PHF24: variants seen among roughly 807,000 people sequenced by gnomAD.
The protein encoded by PHF24 is Galpha inhibitory interacting protein.
Under a neutral mutation model 42.6 loss-of-function variants are expected in PHF24, and 25 were observed. The ratio of observed to expected loss-of-function variants is 0.59; its 90% CI spans 0.43 to 0.82. The LOEUF is 0.82. Among genes scored for constraint, PHF24 ranks in the 40% least tolerant of loss-of-function variants. The pLI is 0.00. For synonymous variants in PHF24, 185 were observed against 204.8 expected, an observed-to-expected ratio of 0.90 and a Z score of 0.83; for missense variants, 470 against 538.1, an observed-to-expected ratio of 0.87 and a Z score of 1.25.
the PHF24 span, among the ~76,000 whole-genome samples, chr9:34,804,122 A>G: frequency 0.95 from 144,266 of 152,154 alleles, 68,654 homozygotes; most frequent in Non-Finnish European, 0.99. Flanking sequence ...TAACTATTTG[A>G]ACTCAGCTTC....
At chr9:34,779,154 C>CT in the PHF24 span, among the ~76,000 whole-genome samples, 1 of 151,766 alleles carries the variant, frequency 6.6e-6, no homozygotes, top group Non-Finnish European at 1.5e-5. Context: ...GAAAAAAGAT[C>CT]TCAAATCCAT....
the PHF24 span, among the ~76,000 whole-genome samples, chr9:34,720,837 A>C: frequency 6.6e-6 from 1 of 152,202 alleles, no homozygotes; most frequent in African/African-American, 2.4e-5. Context: ...TATCAGCAGC[A>C]GCTTTGATCA....
At chr9:34,976,809 G>T in intron 5 of PHF24, 69 bp downstream of exon 5, 5 of 1,373,350 alleles carry the variant, frequency 3.6e-6, no homozygotes, top group Non-Finnish European at 5.1e-6. Flanking sequence ...ACGCTGGGCA[G>T]ATTGGGGGAG....
chr9:34,892,647 AG>A, the PHF24 span: 1 of 454,702 alleles, frequency 2.2e-6, no homozygotes, highest in Non-Finnish European at 3.9e-6. Context: ...CTAGTATTCA[AG>A]GGCTGCTGAC....
At chr9:34,847,387 T>C in the PHF24 span, among the ~76,000 whole-genome samples, 1 of 152,218 alleles carries the variant, frequency 6.6e-6, no homozygotes, top group South Asian at 2.1e-4. Flanking sequence ...TCACTCATGA[T>C]TTGGCTCTCT....
the PHF24 span, among the ~76,000 whole-genome samples, chr9:34,880,066 A>G: frequency 6.6e-6 from 1 of 152,222 alleles, no homozygotes; most frequent in South Asian, 2.1e-4. Flanking sequence ...AAAGAAAAGA[A>G]TTTTCAACCC....
chr9:34,965,753 G>T (rs1438837967), intron 1 of PHF24, among the ~76,000 whole-genome samples: 1 of 152,208 alleles, frequency 6.6e-6, no homozygotes, highest in Non-Finnish European at 1.5e-5. Context: ...TAATGAGTAA[G>T]TTCATTTATA....
chr9:34,777,048 A>C, the PHF24 span, among the ~76,000 whole-genome samples: 9 of 152,124 alleles, frequency 5.9e-5, no homozygotes, highest in Admixed American at 5.9e-4. Flanking sequence ...GAGGCAGTGA[A>C]GATTTTCTGG....
the PHF24 span, among the ~76,000 whole-genome samples, chr9:34,814,803 C>T: frequency 2.0e-5 from 3 of 152,186 alleles, no homozygotes; most frequent in East Asian, 3.8e-4. Context: ...TACAGTGGCA[C>T]GATATCGTCT....
chr9:34,864,888 A>G, the PHF24 span, among the ~76,000 whole-genome samples: 2 of 152,212 alleles, frequency 1.3e-5, no homozygotes, highest in East Asian at 1.9e-4. Flanking sequence ...TAAAAAGCAG[A>G]GGGACAGGCC....
At chr9:34,932,238 C>T in the PHF24 span, among the ~76,000 whole-genome samples, 1 of 152,208 alleles carries the variant, frequency 6.6e-6, no homozygotes, top group Non-Finnish European at 1.5e-5. Flanking sequence ...CAACCCCAAG[C>T]CATGCCCAAA....
the PHF24 span, chr9:34,710,069 C>G: frequency 6.2e-7 from 1 of 1,613,284 alleles, no homozygotes; most frequent in Non-Finnish European, 8.5e-7. Flanking sequence ...TGAGCCATGT[C>G]TGTGGTAGAG....
At chr9:34,880,757 G>A in the PHF24 span, among the ~76,000 whole-genome samples, 3 of 152,196 alleles carry the variant, frequency 2.0e-5, no homozygotes, top group South Asian at 2.1e-4. Context: ...CAATAATAAT[G>A]GGAGGCTTTA....
the PHF24 span, chr9:34,680,934 G>T: frequency 8.5e-5 from 13 of 152,146 alleles, no homozygotes; most frequent in African/African-American, 3.1e-4. Flanking sequence ...CTACTACTCA[G>T]CAAGATTCTG....
the PHF24 span, among the ~76,000 whole-genome samples, chr9:34,878,583 A>G: frequency 2.6e-5 from 4 of 152,372 alleles, no homozygotes; most frequent in South Asian, 4.1e-4. Context: ...CACCTGGCTC[A>G]GAGGGTCCCA....
the PHF24 span, among the ~76,000 whole-genome samples, chr9:34,680,710 A>T: frequency 9.8e-6 from 1 of 102,306 alleles, no homozygotes; most frequent in East Asian, 5.4e-4. Flanking sequence ...AAATAAATAA[A>T]AAAAAAAATA....
chr9:34,760,786 G>T, the PHF24 span, among the ~76,000 whole-genome samples: 3 of 152,194 alleles, frequency 2.0e-5, no homozygotes, highest in African/African-American at 4.8e-5. Context: ...CAGCCCAGAA[G>T]GTCAAGACCA....
chr9:34,842,740 G>A, the PHF24 span, among the ~76,000 whole-genome samples: 3 of 152,176 alleles, frequency 2.0e-5, no homozygotes, highest in African/African-American at 7.2e-5. Flanking sequence ...CCAATCTGTG[G>A]TATTTGTTAT....
chr9:34,857,820 G>C, the PHF24 span, among the ~76,000 whole-genome samples: 44 of 152,250 alleles, frequency 2.9e-4, 1 homozygote, highest in Non-Finnish European at 5.1e-4. Context: ...TGCTTAGTCA[G>C]TTCTGCTGTT....
Sources: allele counts gnomAD v4.1 joint callset (sites outside exome capture counted in the v4.1 genomes callset), GRCh38; gene constraint gnomAD v4.1.1; transcripts MANE v1.5; gene names NCBI Gene and HGNC (gene_info 2026-07-23, HGNC 2026-07-21).